Variants in CTNNA3 observed in about 807,000 individuals in gnomAD.
CTNNA3 encodes catenin alpha 3.
A neutral mutation model predicts 95.7 loss-of-function variants in CTNNA3; 76 were observed. The ratio of observed to expected loss-of-function variants is 0.79; its 90% CI spans 0.66 to 0.96. The LOEUF is 0.96. Ranked by LOEUF, CTNNA3 falls within the 40% of genes least tolerant of loss-of-function variation. The pLI, the probability that CTNNA3 is intolerant of heterozygous loss-of-function variation, is 0.00. For synonymous variants in CTNNA3, 431 were observed against 374.4 expected, an observed-to-expected ratio of 1.15 and a Z score of -1.74; for missense variants, 1,191 against 1,089.8, an observed-to-expected ratio of 1.09 and a Z score of -1.31.
chr10:67,360,706 C>T (rs1175903536), intron 5 of CTNNA3, among the ~76,000 whole-genome samples: 5 of 152,014 alleles, frequency 3.3e-5, no homozygotes, highest in Admixed American at 6.6e-5. Flanking sequence ...TCTTATATGG[C>T]AGGAGCAAGA....
At chr10:67,706,529 C>A (rs578243972) in intron 1 of CTNNA3, among the ~76,000 whole-genome samples, 4 of 152,024 alleles carry the variant, frequency 2.6e-5, no homozygotes, top group African/African-American at 9.6e-5. Context: ...CTTGAAGATA[C>A]CAGAGCAGAA....
At chr10:66,896,711 T>C (rs1372486959) in intron 7 of CTNNA3, among the ~76,000 whole-genome samples, 1 of 152,204 alleles carries the variant, frequency 6.6e-6, no homozygotes, top group East Asian at 1.9e-4. Context: ...CTCATCTGTT[T>C]CTCTAGCCTC....
At chr10:67,494,476 T>G (rs571425985) in intron 5 of CTNNA3, among the ~76,000 whole-genome samples, 1 of 152,222 alleles carries the variant, frequency 6.6e-6, no homozygotes, top group East Asian at 1.9e-4. Context: ...GAGTACATTA[T>G]AGAAAATAGC....
intron 15 of CTNNA3, among the ~76,000 whole-genome samples, chr10:66,028,555 T>C (rs2079386739): frequency 7.0e-6 from 1 of 143,866 alleles, no homozygotes; most frequent in Non-Finnish European, 1.5e-5. Flanking sequence ...TGAGGACACA[T>C]GGACACAGGA....
intron 13 of CTNNA3, among the ~76,000 whole-genome samples, chr10:66,203,875 T>C (rs958608827): frequency 4.6e-5 from 7 of 152,118 alleles, no homozygotes; most frequent in Admixed American, 1.3e-4. Context: ...TATTTTATAT[T>C]CATATTACTG....
chr10:67,002,424 A>G (rs148413682), intron 7 of CTNNA3, among the ~76,000 whole-genome samples: 2,747 of 152,270 alleles, frequency 0.018, 86 homozygotes, highest in African/African-American at 0.062. Flanking sequence ...TTTTAATGAT[A>G]GGAAAAGTAA....
At chr10:67,121,191 T>G (rs1859447171) in intron 7 of CTNNA3, among the ~76,000 whole-genome samples, 1 of 152,096 alleles carries the variant, frequency 6.6e-6, no homozygotes, top group Admixed American at 6.6e-5. Context: ...ATAAAAACCA[T>G]CTTCCGTATT....
intron 7 of CTNNA3, among the ~76,000 whole-genome samples, chr10:67,054,431 A>G (rs565847359): frequency 1.3e-5 from 2 of 152,288 alleles, no homozygotes; most frequent in East Asian, 1.9e-4. Flanking sequence ...CACCAAGTCA[A>G]TCTGAGCTTC....
At chr10:66,981,479 G>T (rs898642463) in intron 7 of CTNNA3, among the ~76,000 whole-genome samples, 62 of 151,754 alleles carry the variant, frequency 4.1e-4, no homozygotes, top group African/African-American at 1.5e-3. Context: ...TATTTTTTTT[G>T]GCACTTCAAC....
chr10:66,658,364 T>G (rs899366265), intron 9 of CTNNA3, among the ~76,000 whole-genome samples: 5 of 152,100 alleles, frequency 3.3e-5, no homozygotes, highest in African/African-American at 7.2e-5. Context: ...ATTTCTGGAA[T>G]GAGCAATTAA....
At chr10:67,576,280 T>A (rs551865368) in intron 3 of CTNNA3, among the ~76,000 whole-genome samples, 1 of 152,316 alleles carries the variant, frequency 6.6e-6, no homozygotes, top group Non-Finnish European at 1.5e-5. Context: ...CAGGTTTAAT[T>A]TTAAGCCTTG....
intron 7 of CTNNA3, among the ~76,000 whole-genome samples, chr10:66,863,179 T>TCACACACACA (rs1844012919): frequency 1.1e-5 from 1 of 91,430 alleles, no homozygotes; most frequent in Non-Finnish European, 2.5e-5. Context: ...AGCCAATTCT[T>TCACACACACA]TACACACACA....
At chr10:66,299,386 G>C (rs1437982689) in intron 12 of CTNNA3, among the ~76,000 whole-genome samples, 1 of 152,142 alleles carries the variant, frequency 6.6e-6, no homozygotes, top group Non-Finnish European at 1.5e-5. Context: ...GGGGGTAGAA[G>C]AATAATTTTT....
chr10:66,694,738 T>C (rs1847693413), intron 9 of CTNNA3, among the ~76,000 whole-genome samples: 1 of 152,172 alleles, frequency 6.6e-6, no homozygotes, highest in Non-Finnish European at 1.5e-5. Flanking sequence ...TACCATAATC[T>C]ACATCTGTGA....
intron 10 of CTNNA3, among the ~76,000 whole-genome samples, chr10:66,583,644 T>C (rs1843267952): frequency 6.6e-6 from 1 of 151,846 alleles, no homozygotes; most frequent in African/African-American, 2.4e-5. Context: ...TTTTGTTTCA[T>C]TGGTCCTTTG....
At chr10:67,099,494 T>C (rs1426202581) in intron 7 of CTNNA3, 1 of 152,136 alleles carries the variant, frequency 6.6e-6, no homozygotes, top group Admixed American at 6.6e-5. Context: ...TGTCAAACTT[T>C]TAAATTTTTA....
At chr10:66,130,236 G>C (rs1252674707) in intron 13 of CTNNA3, among the ~76,000 whole-genome samples, 2 of 152,114 alleles carry the variant, frequency 1.3e-5, no homozygotes, top group African/African-American at 4.8e-5. Flanking sequence ...GAAATTTGTA[G>C]CACTAAATGC....
At chr10:67,093,165 A>G (rs1411626550) in intron 7 of CTNNA3, among the ~76,000 whole-genome samples, 1 of 100,754 alleles carries the variant, frequency 9.9e-6, no homozygotes, top group Admixed American at 8.5e-5. Context: ...TTCTATGGAC[A>G]CTTTAAATAG....
intron 11 of CTNNA3, among the ~76,000 whole-genome samples, chr10:66,516,409 T>C (rs1014777769): frequency 6.6e-6 from 1 of 152,164 alleles, no homozygotes; most frequent in Non-Finnish European, 1.5e-5. Context: ...AATCTCTGAT[T>C]TTGTTTGTGT....
Sources: gnomAD v4.1 joint callset for allele counts (sites outside exome capture counted in the v4.1 genomes callset) on GRCh38, gnomAD v4.1.1 for gene constraint, MANE v1.5 for transcripts, NCBI Gene and HGNC (gene_info 2026-07-23, HGNC 2026-07-21) for gene names.